The following TRIOBP variants were observed in gnomAD, a reference collection of about 807,000 sequenced individuals.
TRIOBP encodes the protein TRIO and F-actin binding protein.
TRIOBP carries 169 observed loss-of-function variants against 238.8 expected under a neutral mutation model. The ratio of observed to expected loss-of-function variants is 0.71; its 90% CI spans 0.62 to 0.80. The LOEUF (loss-of-function observed/expected upper bound fraction) is 0.80, where lower values mean the gene tolerates loss of function less well. Ranked by LOEUF, TRIOBP falls within the 30% of genes least tolerant of loss-of-function variation. TRIOBP has a pLI of 0.00. For synonymous variants in TRIOBP, 1,150 were observed against 1,274.4 expected (o/e 0.90, Z 2.08); for missense variants, 2,838 against 3,122.6 (o/e 0.91, Z 2.17).
rs1924149394 is a variant in TRIOBP at position 37,726,199 on chromosome 22, C to A, written c.3643C>A (p.Gln1215Lys). 6.4e-7 allele frequency: 1 copy of A among 1,571,312 alleles called. No individual in the cohort carries two copies. Among genetic ancestry groups the A allele is most frequent in the South Asian group, 1.2e-5 (1 of 85,816 alleles). ...GCATGGCTCCCCAGTGCTGATCCCC[C>A]AAGTGTGCATCGGGCACCGGGATGC... ...SLHGSPVLIPQVCIGHRDAPR... is the reference protein window; with the variant it reads ...SLHGSPVLIPKVCIGHRDAPR... The change falls in exon 7 of 24, where the codon CAA becomes AAA. Residue 1215 changes from glutamine to lysine, a missense_variant. This residue lies in a region of TRIOBP where 2,096 missense variants were observed against 2,137.4 expected (regional missense o/e 0.98). Transcript: ENST00000644935.
intron 2 of TRIOBP, among the ~76,000 whole-genome samples, chr22:37,699,378 G>A (rs1253415151): frequency 6.6e-6 from 1 of 151,934 alleles, no homozygotes; most frequent in Non-Finnish European, 1.5e-5. Context: ...AGAGAGCAGG[G>A]ACACACACAG....
At chr22:37,713,180 A>G in intron 4 of TRIOBP, 30 bp from the exon 5 acceptor site, 2 of 1,597,086 alleles carry the variant, frequency 1.3e-6, no homozygotes, top group African/African-American at 2.7e-5. Flanking sequence ...CTAACTCCCC[A>G]TTACTTTTTG....
chr22:37,772,355 C>G (rs1324479106), intron 22 of TRIOBP, among the ~76,000 whole-genome samples: 1 of 152,122 alleles, frequency 6.6e-6, no homozygotes, highest in South Asian at 2.1e-4. Context: ...ACTCACTGCC[C>G]TGCGGTCTTG....
At chr22:37,758,975 C>G (rs182126928) in intron 16 of TRIOBP, among the ~76,000 whole-genome samples, 179 bp from the exon 17 acceptor site, 3 of 152,298 alleles carry the variant, frequency 2.0e-5, no homozygotes, top group Admixed American at 2.0e-4. Context: ...CCCAGCGTGT[C>G]CCCTGGCTAC....
In TRIOBP at chr22:37,726,305, G is replaced by A; in HGVS notation, c.3749G>A (p.Gly1250Glu). The A allele has an allele frequency of 1.9e-6, 3 of 1,612,772 alleles. No individual in the cohort carries two copies. The South Asian group carries it at 3.3e-5, about 18-fold the overall frequency. Residue 1250 changes from glycine (G) to glutamate (E), a missense_variant, in exon 7 of 24, where the codon GGG (glycine) becomes GAG (glutamate). Physicochemically the swap from Gly to Glu is moderately conservative, Grantham distance 98 (BLOSUM62 -2). Transcript: ENST00000644935. ...LAPSPSPGSS[G>E]GSRGSAPPGE... Reference sequence around the variant, plus strand: ...CCCTCACCTTCACCGGGCAGCTCTGGGGGCTCCCGGGGCTCAGCGCCTCCC... The same window carrying A: ...CCCTCACCTTCACCGGGCAGCTCTGAGGGCTCCCGGGGCTCAGCGCCTCCC...
chr22:37,774,176 C>T lies in TRIOBP; in HGVS notation c.*396C>T, dbSNP rs1022463058. 1 of 151,376 alleles carries T rather than the reference C, an allele frequency of 6.6e-6. No individual in the cohort carries two copies. Among genetic ancestry groups the T allele is most frequent in the Non-Finnish European group, 1.5e-5 (1 of 67,950 alleles). The allele number at this position is 151,376 out of a possible 1,614,324, so 9.4% of individuals were successfully genotyped here. On this transcript the variant is annotated 3_prime_UTR_variant, in exon 24 of 24. Transcript: ENST00000644935. Reference sequence around the variant, plus strand: ...GTGGCTGTGTGCCTCCAACCCTGGTCCCCCTCTGTCTCCAGCCACCCTCTG... The same window carrying T: ...GTGGCTGTGTGCCTCCAACCCTGGTTCCCCTCTGTCTCCAGCCACCCTCTG...
At chr22:37,770,724 C>A (rs1926733625) in intron 21 of TRIOBP, among the ~76,000 whole-genome samples, 1 of 148,500 alleles carries the variant, frequency 6.7e-6, no homozygotes, top group South Asian at 2.1e-4. Flanking sequence ...ACTCTGTCAC[C>A]CAGGCTGGAG....
chr22:37,709,702 C>T (rs1166848398), intron 3 of TRIOBP, among the ~76,000 whole-genome samples: 1 of 152,184 alleles, frequency 6.6e-6, no homozygotes, highest in Non-Finnish European at 1.5e-5. Context: ...TGGAGGTGAG[C>T]AGCCGTTCCC....
chr22:37,723,091 C>G (rs1923917178), intron 6 of TRIOBP, 94 bp from the exon 7 acceptor site: 1 of 1,309,618 alleles, frequency 7.6e-7, no homozygotes, highest in African/African-American at 1.4e-5. Flanking sequence ...GTGGGGTTTG[C>G]CCTAATCACT....
Position 37,772,631 on chromosome 22 carries a change from G to C in TRIOBP, c.6967G>C (p.Asp2323His), listed in dbSNP as rs1926840417. ...DKRFTSGKYQ[D>H]VYVELSHIKT... ...GCGCTTCACCTCGGGAAAGTACCAGGACGTCTATGTGGAGCTGAGCCACAT... is the reference window on the plus strand; with the variant it reads ...GCGCTTCACCTCGGGAAAGTACCAGCACGTCTATGTGGAGCTGAGCCACAT... The change falls in exon 23 of 24, where the codon GAC (aspartate) becomes CAC (histidine). Residue 2323 changes from aspartate (D) to histidine (H), a missense_variant. Coordinates refer to ENST00000644935, the MANE Select transcript of TRIOBP (RefSeq NM_001039141.3). The C allele has an allele frequency of 6.2e-7, 1 of 1,614,158 alleles. No individual in the cohort carries two copies. The highest frequency in any genetic ancestry group is 8.5e-7 in the Non-Finnish European group (1 of 1,180,032).
intron 21 of TRIOBP, among the ~76,000 whole-genome samples, chr22:37,770,046 CTTT>C (rs1162956733): frequency 2.9e-5 from 4 of 136,078 alleles, no homozygotes; most frequent in African/African-American, 5.3e-5. Context: ...TATTTCTTTA[CTTT>C]TTTTTTTTTT....
At chr22:37,707,749 C>G (rs1471319343) in intron 3 of TRIOBP, among the ~76,000 whole-genome samples, 1 of 150,430 alleles carries the variant, frequency 6.6e-6, no homozygotes, top group East Asian at 2.0e-4. Flanking sequence ...CGAGACCACC[C>G]TGGCCAACAT....
At chr22:37,738,564 AT>A in intron 9 of TRIOBP, 77 bp from the exon 10 acceptor site, 1 of 1,378,684 alleles carries the variant, frequency 7.3e-7, no homozygotes, top group Non-Finnish European at 1.0e-6. Context: ...AGATGATAGA[AT>A]GGATGGATGA....
At chr22:37,746,561 A>C (rs1285909655) in intron 11 of TRIOBP, 20 of 742,062 alleles carry the variant, frequency 2.7e-5, no homozygotes, top group Non-Finnish European at 3.5e-5. Flanking sequence ...AGACGGGGCC[A>C]CCTCCGAAGC....
chr22:37,745,981 G>A (rs1255138788), intron 11 of TRIOBP, among the ~76,000 whole-genome samples: 8 of 148,666 alleles, frequency 5.4e-5, no homozygotes, highest in African/African-American at 2.0e-4. Flanking sequence ...GCGCGCCCGC[G>A]GCCCGGGCCC....
chr22:37,698,755 T>C (rs1252066762), intron 2 of TRIOBP, among the ~76,000 whole-genome samples: 1 of 152,000 alleles, frequency 6.6e-6, no homozygotes, highest in Non-Finnish European at 1.5e-5. Flanking sequence ...GGCAGGAGAA[T>C]CATTTGAGCC....
intron 18 of TRIOBP, among the ~76,000 whole-genome samples, chr22:37,767,130 A>G (rs1466956825): frequency 6.6e-6 from 1 of 152,088 alleles, no homozygotes; most frequent in Non-Finnish European, 1.5e-5. Context: ...AGGCGCGTGT[A>G]ATCCCAGCTA....
chr22:37,704,308 G>C (rs1036688350), intron 3 of TRIOBP, among the ~76,000 whole-genome samples: 35 of 152,278 alleles, frequency 2.3e-4, no homozygotes, highest in Non-Finnish European at 2.1e-4. Flanking sequence ...ACCTGAGACT[G>C]GGAGGCGGGG....
At chr22:37,738,857 G>C in intron 10 of TRIOBP, 138 bp downstream of exon 10, 1 of 921,652 alleles carries the variant, frequency 1.1e-6, no homozygotes. Context: ...CTATGTGCAT[G>C]GTGGGGCCTT....
Sources: gnomAD v4.1 joint callset for allele counts (sites outside exome capture counted in the v4.1 genomes callset) on GRCh38, gnomAD v4.1.1 for gene constraint, gnomAD v4.1.1 regional missense constraint, MANE v1.5 for transcripts, NCBI Gene and HGNC (gene_info 2026-07-23, HGNC 2026-07-21) for gene names.